Variants in GZF1 observed in about 807,000 individuals in gnomAD.
GZF1 encodes GDNF inducible zinc finger protein 1.
GZF1 carries 28 observed loss-of-function variants against 49.4 expected under a neutral mutation model. The observed-to-expected ratio is 0.57, with a 90% CI of 0.42 to 0.78. GZF1 has a LOEUF of 0.78. GZF1 is among the 30% of genes least tolerant of loss of function. The pLI is 0.00. For synonymous variants in GZF1, 364 were observed against 356.0 expected (o/e 1.02, Z -0.25); for missense variants, 798 against 916.2 (o/e 0.87, Z 1.67).
Position 23,365,008 on chromosome 20 carries a change from A to G in GZF1, c.625A>G (p.Lys209Glu), listed in dbSNP as rs1017498634. The G allele has an allele frequency of 6.2e-7, 1 of 1,614,214 alleles. No individual in the cohort carries two copies. The highest frequency in any genetic ancestry group is 8.5e-7 in the Non-Finnish European group (1 of 1,180,040). Residue 209 changes from lysine to glutamate, a missense_variant, in exon 2 of 6, where the codon AAA becomes GAA. Lys to Glu is a moderately conservative substitution (Grantham distance 56, BLOSUM62 1). Around this residue, in one of 3 missense-constraint regions of GZF1, gnomAD observed 247 missense variants for 228.5 expected, o/e 1.08. Coordinates refer to ENST00000338121, the MANE Select transcript of GZF1 (RefSeq NM_022482.5). Reference sequence around the variant, plus strand: ...GTCCAAGGACAAACTAGACAAGAAGAAAGAGGTAGTTAAACCTCCCTACCC... The same window carrying G: ...GTCCAAGGACAAACTAGACAAGAAGGAAGAGGTAGTTAAACCTCCCTACCC... Reference protein sequence around the residue: ...KKSKDKLDKKKEVVKPPYPKI... With the variant: ...KKSKDKLDKKEEVVKPPYPKI...
chr20:23,362,149 C>G (rs995958649), upstream of GZF1: 1 of 152,156 alleles, frequency 6.6e-6, no homozygotes, highest in African/African-American at 2.4e-5. Flanking sequence ...GGTGCCCGCG[C>G]AGGGTGCTAC....
chr20:23,366,949 C>G, intron 2 of GZF1, 54 bp from the exon 3 acceptor site: 1 of 1,267,906 alleles, frequency 7.9e-7, no homozygotes. Flanking sequence ...AATTGTATTG[C>G]AAAGTGAGCT....
intron 2 of GZF1, 22 bp from the exon 3 acceptor site, chr20:23,366,981 C>G (rs767375127): frequency 3.4e-6 from 5 of 1,492,142 alleles, no homozygotes; most frequent in Non-Finnish European, 9.3e-7. Flanking sequence ...CCTAAGTTAT[C>G]ATCTGAATGT....
In GZF1 at chr20:23,370,251, A is replaced by G; in HGVS notation, c.1946A>G (p.Asn649Ser). 1 of 1,614,144 alleles carries G rather than the reference A, an allele frequency of 6.2e-7. No individual in the cohort carries two copies. Residue 649 changes from asparagine (N) to serine (S), a missense_variant, in exon 6 of 6, where the codon AAC becomes AGC. By Grantham distance (46) the Asn-to-Ser change is conservative. Around this residue, in one of 3 missense-constraint regions of GZF1, gnomAD observed 446 missense variants for 540.1 expected, o/e 0.83. Coordinates refer to ENST00000338121, the MANE Select transcript of GZF1 (RefSeq NM_022482.5). ...TTTGCAGAAAATGGCCATTTCCACA[A>G]CCTGGCTGCAGTCCAAGACACTGTA... ...LSFAENGHFH[N>S]LAAVQDTVPT...
rs1161038157 is a variant in GZF1 at position 23,365,327 on chromosome 20, G to A, written c.944G>A (p.Ser315Asn). 3 of 1,608,956 alleles carry A rather than the reference G, an allele frequency of 1.9e-6. No homozygotes were observed. Among genetic ancestry groups the A allele is most frequent in the South Asian group, 1.1e-5 (1 of 90,704 alleles). Residue 315 changes from serine to asparagine, a missense_variant, in exon 2 of 6, where the codon AGC becomes AAC. By Grantham distance (46) the Ser-to-Asn change is conservative (BLOSUM62 1). Around this residue, in one of 3 missense-constraint regions of GZF1, gnomAD observed 247 missense variants for 228.5 expected, o/e 1.08. Transcript: ENST00000338121. ...EEDEEGEKKK[S>N]NFKCSICEKA... ...GACGAAGAAGGGGAGAAGAAGAAGA[G>A]CAACTTTAAGTGCAGCATTTGCGAG...
chr20:23,369,771 C>A, intron 5 of GZF1, 30 bp downstream of exon 5: 1 of 1,586,982 alleles, frequency 6.3e-7, no homozygotes, highest in Non-Finnish European at 8.6e-7. Context: ...ATTTGAGAAA[C>A]AAGCTGCTGC....
rs12625257 is a variant in GZF1 at position 23,370,696 on chromosome 20, G to T, written c.*255G>T. On this transcript the variant is annotated 3_prime_UTR_variant, in exon 6 of 6. Transcript: ENST00000338121. ...GTGAACATAACCTCACTTAATTCTG[G>T]TGTAGGGTGTATGTGCTAATCGTTC... is the stretch of plus-strand genomic sequence containing the variant. The T allele has an allele frequency of 0.062, 29,760 of 479,196 alleles. 1,514 individuals are homozygous for T. Among genetic ancestry groups the T allele is most frequent in the African/African-American group, 0.19 (9,952 of 51,222 alleles). 29.7% of individuals were successfully genotyped at this position (479,196 alleles called of 1,614,324 possible). A position where few individuals can be genotyped will look rare whatever the true frequency, so the allele number is the denominator to read the frequency against.
At chr20:23,361,966 G>A (rs1980701105), upstream of GZF1, among the ~76,000 whole-genome samples, 1 of 152,158 alleles carries the variant, frequency 6.6e-6, no homozygotes, top group African/African-American at 2.4e-5. Flanking sequence ...GGCTCGCGGC[G>A]GGTGACGCAA....
At chr20:23,363,751 A>G (rs1288408900) in intron 1 of GZF1, among the ~76,000 whole-genome samples, 1 of 152,242 alleles carries the variant, frequency 6.6e-6, no homozygotes, top group East Asian at 1.9e-4. Flanking sequence ...AAAGTAGCAC[A>G]GCTTGTAAAA....
chr20:23,361,845 C>G (rs1296472291), upstream of GZF1, among the ~76,000 whole-genome samples: 1 of 152,194 alleles, frequency 6.6e-6, no homozygotes. Context: ...GGAATGGACG[C>G]GAAAGTGACC....
chr20:23,366,765 T>C (rs571019611), intron 2 of GZF1, among the ~76,000 whole-genome samples: 1 of 152,352 alleles, frequency 6.6e-6, no homozygotes, highest in East Asian at 1.9e-4. Flanking sequence ...GTAGGGCTTG[T>C]GATCAGGTGT....
At chr20:23,362,666 G>A (rs1012125809) in intron 1 of GZF1, 3 of 152,242 alleles carry the variant, frequency 2.0e-5, no homozygotes, top group Non-Finnish European at 4.4e-5. Flanking sequence ...GGGATTCAGG[G>A]GCCGCCGACG....
Position 23,370,188 on chromosome 20 carries a change from AGT to A in GZF1, c.1884_1885del (p.Tyr629CysfsTer8). ...CACAAGACTGAACAGCCTGACGAAG[AGT>A]ATGTGTCATCCAAGCTTTCGGATAA... On this transcript the variant is annotated frameshift_variant, in exon 6 of 6. Coordinates refer to ENST00000338121, the MANE Select transcript of GZF1 (RefSeq NM_022482.5). LOFTEE classifies it low-confidence loss of function (END_TRUNC). 6.2e-7 allele frequency: 1 copy of A among 1,614,214 alleles called. No homozygotes were observed. The highest frequency in any genetic ancestry group is 8.5e-7 in the Non-Finnish European group (1 of 1,180,030).
rs535965904 is a variant in GZF1 at position 23,370,799 on chromosome 20, T to C, written c.*358T>C. 4.1e-5 allele frequency: 9 copies of C among 219,442 alleles called. No homozygotes were observed. In the East Asian group the frequency reaches 9.7e-4, roughly 24 times the overall value. 13.6% of individuals were successfully genotyped at this position (219,442 alleles called of 1,614,324 possible). ...CAGAGAACTGAACCAGCTCCTGATA[T>C]TGTAGTTAGCAGTCTTCCTGGCTTC... On this transcript the variant is annotated 3_prime_UTR_variant, in exon 6 of 6. Coordinates refer to ENST00000338121, the MANE Select transcript of GZF1 (RefSeq NM_022482.5).
At position 23,368,879 on chromosome 20, in the gene GZF1, G is replaced by C. The variant is rs1345001862; in HGVS notation, c.1577G>C (p.Arg526Thr). 6.2e-7 allele frequency: 1 copy of C among 1,613,950 alleles called. No individual in the cohort carries two copies. The highest frequency in any genetic ancestry group is 8.5e-7 in the Non-Finnish European group (1 of 1,179,906). Residue 526 changes from arginine (R) to threonine (T), a missense_variant, in exon 4 of 6, where the codon AGG becomes ACG. Around this residue, in one of 3 missense-constraint regions of GZF1, gnomAD observed 446 missense variants for 540.1 expected, o/e 0.83. Transcript: ENST00000338121. ...CCCTTTAAATGTGAAGTATGTTTCA[G>C]GACTTTTGCCCAGCGGAATTCACTG... Reference protein sequence around the residue: ...SKPFKCEVCFRTFAQRNSLYQ... With the variant: ...SKPFKCEVCFTTFAQRNSLYQ...
upstream of GZF1, among the ~76,000 whole-genome samples, chr20:23,361,476 G>A (rs1289691434): frequency 6.6e-6 from 1 of 152,206 alleles, no homozygotes; most frequent in African/African-American, 2.4e-5. Context: ...CGCCCGAATG[G>A]GAACTCCTGG....
chr20:23,369,848 G>A, intron 5 of GZF1, 107 bp downstream of exon 5: 11 of 1,247,082 alleles, frequency 8.8e-6, no homozygotes, highest in Non-Finnish European at 1.2e-5. Context: ...CGAGACAACA[G>A]GTACTTTCTC....
chr20:23,370,112 T>C lies in GZF1; in HGVS notation c.1807T>C (p.Trp603Arg), dbSNP rs923863875. 4.3e-6 allele frequency: 7 copies of C among 1,614,032 alleles called. No homozygotes were observed. The highest frequency in any genetic ancestry group is 5.1e-6 in the Non-Finnish European group (6 of 1,179,836). ...ATAGATACACGATAAGAATACTCCA[T>C]GGAAGTCTTTCCTTGTCATTGTAGA... ...HTSIHDKNTP[W>R]KSFLVIVDGS... The change falls in exon 6 of 6, where the codon TGG becomes CGG. Residue 603 changes from tryptophan to arginine, a missense_variant. Trp to Arg is a moderately radical substitution (Grantham distance 101). Coordinates refer to ENST00000338121, the MANE Select transcript of GZF1 (RefSeq NM_022482.5).
chr20:23,367,856 A>G (rs912156252), intron 3 of GZF1, among the ~76,000 whole-genome samples: 1 of 152,184 alleles, frequency 6.6e-6, no homozygotes, highest in Admixed American at 6.5e-5. Flanking sequence ...AAGTGTTCCA[A>G]TTCTTCTCAG....
Sources: gnomAD v4.1 joint callset for allele counts (sites outside exome capture counted in the v4.1 genomes callset) on GRCh38, gnomAD v4.1.1 for gene constraint, gnomAD v4.1.1 regional missense constraint, MANE v1.5 for transcripts, NCBI Gene and HGNC (gene_info 2026-07-23, HGNC 2026-07-21) for gene names.